The following DHX32 variants were observed in gnomAD, a reference collection of about 807,000 sequenced individuals.
DHX32 encodes the protein DEAH-box helicase 32 (putative).
In DHX32, 51 loss-of-function variants were observed where a neutral mutation model predicts 70.0. The ratio of observed to expected loss-of-function variants is 0.73; its 90% CI spans 0.58 to 0.92. DHX32 has a LOEUF of 0.92. DHX32 is among the 40% of genes least tolerant of loss of function. The probability of loss-of-function intolerance (pLI) is 0.00; values close to 1 mark genes in which losing one functional copy is unlikely to be tolerated. For missense variants in DHX32, 762 were observed against 891.8 expected, an observed-to-expected ratio of 0.85 and a Z score of 1.85; for synonymous variants, 310 against 315.3, an observed-to-expected ratio of 0.98 and a Z score of 0.18.
chr10:125,893,431 G>C (rs1337710238), intron 1 of DHX32, among the ~76,000 whole-genome samples: 1 of 152,076 alleles, frequency 6.6e-6, no homozygotes, highest in Non-Finnish European at 1.5e-5. Flanking sequence ...TTTTAGTAGA[G>C]ACGGGATTTC....
chr10:125,845,821 C>T (rs939713074), intron 6 of DHX32, among the ~76,000 whole-genome samples: 51 of 152,244 alleles, frequency 3.3e-4, no homozygotes, highest in Non-Finnish European at 1.5e-4. Flanking sequence ...GTGCCACCCG[C>T]ACCGTGAGGC....
chr10:125,854,706 G>A (rs1309606396), intron 3 of DHX32: 1 of 152,670 alleles, frequency 6.6e-6, no homozygotes, highest in African/African-American at 2.4e-5. Flanking sequence ...CCGCTCCAGG[G>A]GGTCCCACAT....
chr10:125,845,780 G>A (rs948560848), intron 6 of DHX32, among the ~76,000 whole-genome samples: 2 of 152,220 alleles, frequency 1.3e-5, no homozygotes, highest in East Asian at 3.9e-4. Context: ...CAGGGCTCTC[G>A]GGTAATGGCA....
In DHX32 at chr10:125,852,167, G is replaced by C. The variant is rs999212655; in HGVS notation, c.1351+126C>G. The C allele has an allele frequency of 4.1e-6, 5 of 1,233,828 alleles. No homozygotes were observed. The African/African-American group carries it at 7.6e-5, about 19-fold the overall frequency. 76.4% of individuals were successfully genotyped at this position (1,233,828 alleles called of 1,614,324 possible). A position where few individuals can be genotyped will look rare whatever the true frequency, so the allele number is the denominator to read the frequency against. ...TTACCTCTAGCAGGAAAATGCTTCAGTCCAAACCAACGCCCCCTCCATGCT... is the reference window on the plus strand; with the variant it reads ...TTACCTCTAGCAGGAAAATGCTTCACTCCAAACCAACGCCCCCTCCATGCT... On this transcript the variant is annotated intron_variant, in intron 6 of 10. Coordinates refer to ENST00000284690, the MANE Select transcript of DHX32 (RefSeq NM_018180.3).
At chr10:125,859,572 T>G in intron 3 of DHX32, 31 bp downstream of exon 3, 1 of 1,526,076 alleles carries the variant, frequency 6.6e-7, no homozygotes, top group Non-Finnish European at 8.8e-7. Flanking sequence ...AAATACCTTA[T>G]TACTGTAAGG....
At chr10:125,891,432 A>C (rs1309656474) in intron 1 of DHX32, among the ~76,000 whole-genome samples, 38 of 152,410 alleles carry the variant, frequency 2.5e-4, no homozygotes, top group African/African-American at 9.1e-4. Context: ...TGTTGTCCCA[A>C]ATGTAGACAA....
At chr10:125,891,891 T>G (rs1944373279) in intron 1 of DHX32, among the ~76,000 whole-genome samples, 1 of 152,176 alleles carries the variant, frequency 6.6e-6, no homozygotes, top group Admixed American at 6.5e-5. Context: ...TTCAGGGCTC[T>G]ATCCCTTACC....
intron 4 of DHX32, chr10:125,853,686 A>G (rs987773079): frequency 3.1e-5 from 11 of 359,698 alleles, no homozygotes; most frequent in African/African-American, 2.1e-4. Flanking sequence ...AAAGATGACT[A>G]TCACCTTTAT....
At chr10:125,846,178 C>G (rs1045677308) in intron 6 of DHX32, among the ~76,000 whole-genome samples, 2 of 152,174 alleles carry the variant, frequency 1.3e-5, no homozygotes, top group Non-Finnish European at 2.9e-5. Context: ...GGTCTCCACT[C>G]CCAGTAACTG....
At position 125,852,369 on chromosome 10, in the gene DHX32, G is replaced by A; in HGVS notation, c.1275C>T (p.Asn425=). The A allele has an allele frequency of 6.2e-7, 1 of 1,614,180 alleles. No homozygotes were observed. The highest frequency in any genetic ancestry group is 8.5e-7 in the Non-Finnish European group (1 of 1,180,024). Residue 425 remains asparagine, a synonymous_variant, in exon 6 of 11, where the codon AAC becomes AAT. Transcript: ENST00000284690. ...TCATAAAAAGCACCATGCTTGTTAG[G>A]TTGGCTTCCTGCATTTCTGCTGGCT... ...PLKPAEMQEA[N]LTSMVLFMKR...
intron 7 of DHX32, 155 bp downstream of exon 7, chr10:125,841,588 C>A (rs1854881229): frequency 6.9e-7 from 1 of 1,440,138 alleles, no homozygotes; most frequent in Non-Finnish European, 9.0e-7. Context: ...CTTTTCTAAC[C>A]TATTAAAATA....
At chr10:125,879,175 C>T (rs778526788) in intron 1 of DHX32, among the ~76,000 whole-genome samples, 1 of 151,634 alleles carries the variant, frequency 6.6e-6, no homozygotes, top group Non-Finnish European at 1.5e-5. Context: ...AGGCACGCAC[C>T]ACCATGCCCA....
At chr10:125,851,675 A>G (rs1290954339) in intron 6 of DHX32, among the ~76,000 whole-genome samples, 1 of 152,198 alleles carries the variant, frequency 6.6e-6, no homozygotes, top group African/African-American at 2.4e-5. Flanking sequence ...TCTCTGGCAT[A>G]TTTTGAGCTG....
chr10:125,857,176 G>A (rs1041374228), intron 3 of DHX32, among the ~76,000 whole-genome samples: 1 of 152,206 alleles, frequency 6.6e-6, no homozygotes, highest in African/African-American at 2.4e-5. Context: ...CATAAGAGAT[G>A]AGAATCTTAA....
At chr10:125,843,742 C>T (rs1470130209) in intron 6 of DHX32, among the ~76,000 whole-genome samples, 1 of 152,224 alleles carries the variant, frequency 6.6e-6, no homozygotes. Flanking sequence ...ATGCAGCCTA[C>T]CACACCTCCA....
intron 1 of DHX32, among the ~76,000 whole-genome samples, chr10:125,893,369 G>C (rs996001381): frequency 6.6e-6 from 1 of 152,034 alleles, no homozygotes; most frequent in Non-Finnish European, 1.5e-5. Flanking sequence ...TCAGCCTCCC[G>C]AGTAGCTGGG....
chr10:125,837,266 A>G (rs1038490425), intron 10 of DHX32, among the ~76,000 whole-genome samples: 4 of 152,216 alleles, frequency 2.6e-5, no homozygotes, highest in African/African-American at 7.2e-5. Flanking sequence ...TAAGCCAGAC[A>G]TCTATGAGTC....
chr10:125,886,345 A>G (rs1944341068), intron 1 of DHX32, among the ~76,000 whole-genome samples: 1 of 152,198 alleles, frequency 6.6e-6, no homozygotes, highest in African/African-American at 2.4e-5. Context: ...TTTCTCCTTA[A>G]GACCACCACC....
In DHX32 at chr10:125,854,209, G is replaced by T. The variant is rs771115554; in HGVS notation, c.850-6C>A. ...TCACAGACTTTCTCAATATCCTAAA[G>T]AAAAAAAAACCCATGAAAATAAAAT... On this transcript the variant is annotated splice_polypyrimidine_tract_variant and splice_region_variant and intron_variant, in intron 3 of 10. Coordinates refer to ENST00000284690, the MANE Select transcript of DHX32 (RefSeq NM_018180.3). 6.0e-6 allele frequency: 9 copies of T among 1,510,458 alleles called. No homozygotes were observed. The highest frequency in any genetic ancestry group is 8.0e-6 in the Non-Finnish European group (9 of 1,131,774). 93.6% of individuals were successfully genotyped at this position (1,510,458 alleles called of 1,614,324 possible).
Sources: allele counts gnomAD v4.1 joint callset (sites outside exome capture counted in the v4.1 genomes callset), GRCh38; gene constraint gnomAD v4.1.1; transcripts MANE v1.5; gene names NCBI Gene and HGNC (gene_info 2026-07-23, HGNC 2026-07-21).